INPP5A: variants seen among roughly 807,000 people sequenced by gnomAD.
INPP5A encodes inositol polyphosphate-5-phosphatase A.
INPP5A carries 14 observed loss-of-function variants against 65.2 expected under a neutral mutation model. That is an observed-to-expected ratio of 0.21 (90% CI 0.14 to 0.34). The LOEUF is 0.34. INPP5A is among the 10% of genes least tolerant of loss of function. The probability of loss-of-function intolerance (pLI) is 1.00; values close to 1 mark genes in which losing one functional copy is unlikely to be tolerated. For missense variants in INPP5A, 431 were observed against 545.6 expected (o/e 0.79, Z 2.09); for synonymous variants, 207 against 208.3 (o/e 0.99, Z 0.05).
intron 1 of INPP5A, among the ~76,000 whole-genome samples, chr10:132,573,944 A>G (rs59517023): frequency 5.7e-4 from 36 of 62,662 alleles, no homozygotes; most frequent in South Asian, 1.1e-3. Flanking sequence ...GTTGATGTTG[A>G]GGTGTGTGTG....
chr10:132,631,371 A>T (rs1434633155), intron 2 of INPP5A, among the ~76,000 whole-genome samples: 1 of 152,094 alleles, frequency 6.6e-6, no homozygotes, highest in Non-Finnish European at 1.5e-5. Context: ...CCCCGAAGGG[A>T]CCTGGAGAGG....
At chr10:132,618,339 C>T (rs2072068160) in intron 2 of INPP5A, among the ~76,000 whole-genome samples, 1 of 152,216 alleles carries the variant, frequency 6.6e-6, no homozygotes, top group Non-Finnish European at 1.5e-5. Context: ...CATGATCCAT[C>T]ACATCTGCTG....
chr10:132,607,000 G>T (rs1381312648), intron 1 of INPP5A, among the ~76,000 whole-genome samples: 12 of 152,172 alleles, frequency 7.9e-5, no homozygotes, highest in Admixed American at 7.9e-4. Context: ...CCTCACGGTG[G>T]GCGATGTTGG....
Position 132,777,677 on chromosome 10 carries a change from G to T in INPP5A, c.984G>T (p.Pro328=), listed in dbSNP as rs140378152. The T allele has an allele frequency of 1.2e-6, 2 of 1,612,618 alleles. No individual in the cohort carries two copies. The highest frequency in any genetic ancestry group is 4.5e-5 in the East Asian group (2 of 44,886). Residue 328 remains proline, a synonymous_variant, in exon 13 of 16, where the codon CCG becomes CCT. Transcript: ENST00000368594. ...TGCCTTCATGTCTCCCCAGCTACCC[G>T]TACAGTGAGGACGCCCGCCAGGGTG... is the stretch of plus-strand genomic sequence containing the variant. ...ELDISFPPSY[P]YSEDARQGEQ...
chr10:132,599,564 T>C (rs1201824886), intron 1 of INPP5A, among the ~76,000 whole-genome samples: 1 of 152,220 alleles, frequency 6.6e-6, no homozygotes, highest in Admixed American at 6.5e-5. Context: ...AAGCTGTTGG[T>C]GAATCTGCCA....
At chr10:132,636,766 G>A (rs2072358155) in intron 2 of INPP5A, among the ~76,000 whole-genome samples, 1 of 152,158 alleles carries the variant, frequency 6.6e-6, no homozygotes, top group African/African-American at 2.4e-5. Flanking sequence ...GTATAGTTTT[G>A]GAATTTGAAG....
intron 11 of INPP5A, among the ~76,000 whole-genome samples, chr10:132,750,467 TGTTG>T (rs1408659906): frequency 6.6e-6 from 1 of 152,190 alleles, no homozygotes; most frequent in African/African-American, 2.4e-5. Context: ...CTGGACCTGC[TGTTG>T]GTTTTGAAAT....
At chr10:132,742,203 A>G (rs1846286829) in intron 9 of INPP5A, among the ~76,000 whole-genome samples, 1 of 152,214 alleles carries the variant, frequency 6.6e-6, no homozygotes, top group African/African-American at 2.4e-5. Context: ...TGATGGATGA[A>G]TCCAGGTGAG....
intron 14 of INPP5A, among the ~76,000 whole-genome samples, 172 bp downstream of exon 14, chr10:132,781,089 G>A (rs958218826): frequency 6.6e-6 from 1 of 152,222 alleles, no homozygotes; most frequent in African/African-American, 2.4e-5. Context: ...TACAGAGTAG[G>A]CCAAGTTGGT....
chr10:132,713,164 G>A (rs1044399019), intron 8 of INPP5A, among the ~76,000 whole-genome samples: 5 of 151,892 alleles, frequency 3.3e-5, no homozygotes, highest in Admixed American at 2.0e-4. Context: ...GTGTGTGTGC[G>A]GGTGTGTGTG....
At chr10:132,648,901 G>A (rs1480705681) in intron 3 of INPP5A, among the ~76,000 whole-genome samples, 1 of 152,098 alleles carries the variant, frequency 6.6e-6, no homozygotes, top group African/African-American at 2.4e-5. Flanking sequence ...GCAGTCTGTG[G>A]GTTTATCGTT....
At chr10:132,600,896 A>G (rs1451431879) in intron 1 of INPP5A, among the ~76,000 whole-genome samples, 1 of 152,170 alleles carries the variant, frequency 6.6e-6, no homozygotes, top group African/African-American at 2.4e-5. Context: ...CCATAATTCA[A>G]TTACCTCCCC....
intron 11 of INPP5A, among the ~76,000 whole-genome samples, chr10:132,750,830 C>T (rs1590982641): frequency 6.6e-6 from 1 of 152,188 alleles, no homozygotes; most frequent in African/African-American, 2.4e-5. Flanking sequence ...TGGCCCCTGT[C>T]CTCAGGAAGC....
intron 4 of INPP5A, among the ~76,000 whole-genome samples, chr10:132,662,349 A>G (rs1029217009): frequency 6.6e-6 from 1 of 152,236 alleles, no homozygotes; most frequent in African/African-American, 2.4e-5. Flanking sequence ...GAATGTTCAT[A>G]GCAGCTTTAT....
chr10:132,540,787 C>T (rs1045695563), intron 1 of INPP5A, among the ~76,000 whole-genome samples: 5 of 152,244 alleles, frequency 3.3e-5, no homozygotes, highest in African/African-American at 4.8e-5. Context: ...GAATCTTTCT[C>T]GCCCAGTCTC....
chr10:132,753,637 A>C lies in INPP5A; in HGVS notation c.903+3792A>C, dbSNP rs1382591718. On this transcript the variant is annotated intron_variant, in intron 11 of 15. Coordinates refer to ENST00000368594, the MANE Select transcript of INPP5A (RefSeq NM_005539.5). The surrounding 1 kb of genome is among the most constrained non-coding windows in gnomAD (Gnocchi z 5.3). Reference sequence around the variant, plus strand: ...CCTGGTGAGGATTTGGAGAGATTAAATTTTCCTCGGCTGTCCCAGGGCCGG... The same window carrying C: ...CCTGGTGAGGATTTGGAGAGATTAACTTTTCCTCGGCTGTCCCAGGGCCGG... 1 of 152,006 alleles carries C rather than the reference A, an allele frequency of 6.6e-6. No homozygotes were observed. The highest frequency in any genetic ancestry group is 1.5e-5 in the Non-Finnish European group (1 of 68,012). The allele number at this position is 152,006 out of a possible 1,614,324, so 9.4% of individuals were successfully genotyped here. A position where few individuals can be genotyped will look rare whatever the true frequency, so the allele number is the denominator to read the frequency against.
intron 9 of INPP5A, among the ~76,000 whole-genome samples, chr10:132,748,720 G>C (rs1846417262): frequency 1.3e-5 from 2 of 152,256 alleles, no homozygotes; most frequent in Non-Finnish European, 2.9e-5. Flanking sequence ...CAGTGTGGGA[G>C]AGAGATCGGC....
chr10:132,557,253 G>A (rs1939270495), intron 1 of INPP5A, among the ~76,000 whole-genome samples: 2 of 152,228 alleles, frequency 1.3e-5, no homozygotes, highest in Non-Finnish European at 2.9e-5. Flanking sequence ...CCCTCGCCCG[G>A]GGCCACTGTG....
At chr10:132,573,765 G>A (rs1265009677) in intron 1 of INPP5A, among the ~76,000 whole-genome samples, 6 of 123,680 alleles carry the variant, frequency 4.9e-5, no homozygotes, top group Non-Finnish European at 6.7e-5. Context: ...TGAGATGTTG[G>A]GGTGTGTGTG....
Sources: gnomAD v4.1 joint callset for allele counts (sites outside exome capture counted in the v4.1 genomes callset) on GRCh38, gnomAD v4.1.1 for gene constraint, Gnocchi (gnomAD v3.1) non-coding constraint, MANE v1.5 for transcripts, NCBI Gene and HGNC (gene_info 2026-07-23, HGNC 2026-07-21) for gene names.